KALRN: variants seen among roughly 807,000 people sequenced by gnomAD.
The protein encoded by KALRN is kalirin.
KALRN carries 70 observed loss-of-function variants against 353.7 expected under a neutral mutation model. The observed-to-expected ratio is 0.20, with a 90% CI of 0.16 to 0.24. The LOEUF is 0.24. Among genes scored for constraint, KALRN ranks in the 10% least tolerant of loss-of-function variants. KALRN has a pLI of 1.00. For synonymous variants in KALRN, 1,391 were observed against 1,434.8 expected (o/e 0.97, Z 0.69); for missense variants, 2,791 against 3,756.7 (o/e 0.74, Z 6.72).
intron 1 of KALRN, among the ~76,000 whole-genome samples, chr3:124,224,702 G>A (rs1197182660): frequency 6.6e-6 from 1 of 152,196 alleles, no homozygotes; most frequent in Non-Finnish European, 1.5e-5. Context: ...AATGGGCCAG[G>A]AAGCCAGTGA....
At chr3:124,120,740 A>T (rs13071262) in intron 1 of KALRN, among the ~76,000 whole-genome samples, 4 of 141,802 alleles carry the variant, frequency 2.8e-5, no homozygotes, top group African/African-American at 1.1e-4. Flanking sequence ...ATATATATAT[A>T]TATATTTTCA....
chr3:124,318,187 C>T (rs986947806), intron 6 of KALRN, among the ~76,000 whole-genome samples: 1 of 152,174 alleles, frequency 6.6e-6, no homozygotes, highest in Admixed American at 6.5e-5. Context: ...GTTATCTTTG[C>T]TGGGCACTGG....
intron 33 of KALRN, among the ~76,000 whole-genome samples, chr3:124,506,807 G>T (rs1344947110): frequency 6.6e-6 from 1 of 152,126 alleles, no homozygotes; most frequent in Non-Finnish European, 1.5e-5. Flanking sequence ...TTTACACATG[G>T]AAAACAGATT....
chr3:124,074,567 TA>T (rs1406193917), intron 1 of KALRN, among the ~76,000 whole-genome samples: 35 of 152,220 alleles, frequency 2.3e-4, no homozygotes, highest in African/African-American at 8.2e-4. Flanking sequence ...AAGGAACTAT[TA>T]TGAAGTAGAT....
intron 33 of KALRN, among the ~76,000 whole-genome samples, chr3:124,516,348 T>A (rs1021873437): frequency 1.3e-5 from 2 of 152,188 alleles, no homozygotes. Context: ...TGGGCAGGAC[T>A]TCTCCAGGCC....
At chr3:124,541,720 TAA>T (rs753191575) in intron 33 of KALRN, among the ~76,000 whole-genome samples, 36 of 117,194 alleles carry the variant, frequency 3.1e-4, no homozygotes, top group African/African-American at 2.9e-4. Flanking sequence ...CCATCTCTAC[TAA>T]AAAAAAAAAA....
intron 34 of KALRN, among the ~76,000 whole-genome samples, chr3:124,582,437 T>C (rs1396346193): frequency 6.6e-6 from 1 of 152,178 alleles, no homozygotes; most frequent in Non-Finnish European, 1.5e-5. Context: ...AGAGAAACCA[T>C]CAGGGAGATG....
intron 28 of KALRN, among the ~76,000 whole-genome samples, 153 bp downstream of exon 28, chr3:124,483,053 T>A (rs748615088): frequency 6.6e-6 from 1 of 152,202 alleles, no homozygotes; most frequent in Non-Finnish European, 1.5e-5. Flanking sequence ...CGCTGTCCTA[T>A]CCCATGGAAA....
chr3:124,141,556 C>G (rs990312369), intron 1 of KALRN, among the ~76,000 whole-genome samples: 1 of 152,204 alleles, frequency 6.6e-6, no homozygotes. Context: ...TTAAACTGTA[C>G]TATGATTTAT....
intron 1 of KALRN, among the ~76,000 whole-genome samples, chr3:124,090,800 G>A (rs892594134): frequency 2.6e-5 from 4 of 152,212 alleles, no homozygotes; most frequent in Non-Finnish European, 4.4e-5. Context: ...GCCTCTGGGA[G>A]TGAGGCCTTG....
intron 10 of KALRN, among the ~76,000 whole-genome samples, chr3:124,379,404 T>A (rs963417542): frequency 1.3e-5 from 2 of 152,212 alleles, no homozygotes; most frequent in African/African-American, 4.8e-5. Context: ...GCACGCCTGG[T>A]AATTTTTTAC....
intron 5 of KALRN, among the ~76,000 whole-genome samples, chr3:124,298,097 C>T (rs1358367070): frequency 2.6e-5 from 4 of 152,158 alleles, no homozygotes; most frequent in East Asian, 1.9e-4. Context: ...GCCAGGGGTT[C>T]TGGTCAGCTC....
At chr3:124,207,561 A>G (rs935648460) in intron 1 of KALRN, among the ~76,000 whole-genome samples, 1 of 152,182 alleles carries the variant, frequency 6.6e-6, no homozygotes, top group South Asian at 2.1e-4. Context: ...TGGGAGCTAG[A>G]TGAGACAGAT....
chr3:124,684,778 G>T (rs2061485785), intron 51 of KALRN, among the ~76,000 whole-genome samples: 2 of 152,150 alleles, frequency 1.3e-5, no homozygotes, highest in Non-Finnish European at 2.9e-5. Flanking sequence ...TGGCGGGAAT[G>T]GCCTGGGCAG....
chr3:124,708,112 A>T (rs333263), intron 57 of KALRN, among the ~76,000 whole-genome samples: 68,532 of 152,066 alleles, frequency 0.45, 16,097 homozygotes, highest in East Asian at 0.71. Context: ...TGCAGTCTGA[A>T]CCTAACCAAG....
chr3:124,133,493 A>G (rs766173203), intron 1 of KALRN, among the ~76,000 whole-genome samples: 6 of 152,338 alleles, frequency 3.9e-5, no homozygotes, highest in Non-Finnish European at 7.4e-5. Context: ...GCTAACAAGG[A>G]CAGCCCTCAT....
chr3:124,493,761 G>C (rs139457613), intron 32 of KALRN, among the ~76,000 whole-genome samples: 1 of 152,302 alleles, frequency 6.6e-6, no homozygotes, highest in East Asian at 1.9e-4. Context: ...TGAGTGAGGT[G>C]GTAGCCAAAA....
chr3:124,706,534 C>T (rs2062622269), intron 57 of KALRN, among the ~76,000 whole-genome samples: 2 of 152,110 alleles, frequency 1.3e-5, no homozygotes, highest in African/African-American at 4.8e-5. Flanking sequence ...TGACAGGCTT[C>T]ACCCACAAGC....
At chr3:124,323,588 G>A (rs2079567970) in intron 6 of KALRN, among the ~76,000 whole-genome samples, 3 of 152,168 alleles carry the variant, frequency 2.0e-5, no homozygotes, top group Admixed American at 2.0e-4. Context: ...GCAGAAATAT[G>A]CCTCCCTGTG....
Sources: gnomAD v4.1 joint callset for allele counts (sites outside exome capture counted in the v4.1 genomes callset) on GRCh38, gnomAD v4.1.1 for gene constraint, MANE v1.5 for transcripts, NCBI Gene and HGNC (gene_info 2026-07-23, HGNC 2026-07-21) for gene names.